Variants in TRAP1 observed in about 807,000 individuals in gnomAD.
The protein encoded by TRAP1 is TNF receptor associated protein 1.
In TRAP1, 102 loss-of-function variants were observed where a neutral mutation model predicts 89.1. The observed-to-expected ratio is 1.15, with a 90% CI of 0.98 to 1.35. The LOEUF is 1.35. Among genes scored for constraint, TRAP1 ranks in the 40% most tolerant of loss-of-function variants. The probability of loss-of-function intolerance (pLI) is 0.00; values close to 1 mark genes in which losing one functional copy is unlikely to be tolerated. For missense variants in TRAP1, 1,256 were observed against 945.3 expected (o/e 1.33, Z -4.31); for synonymous variants, 508 against 388.0 (o/e 1.31, Z -3.64).
intron 1 of TRAP1, among the ~76,000 whole-genome samples, chr16:3,709,373 T>C (rs141056267): frequency 1.3e-5 from 2 of 152,202 alleles, no homozygotes; most frequent in Non-Finnish European, 1.5e-5. Context: ...TAAAACGAGA[T>C]AGCATTTTCA....
chr16:3,685,133 C>T (rs543233449), intron 4 of TRAP1, among the ~76,000 whole-genome samples: 1 of 152,316 alleles, frequency 6.6e-6, no homozygotes, highest in Admixed American at 6.5e-5. Context: ...GCACAGGGCG[C>T]TGCAGCCCTG....
intron 8 of TRAP1, 93 bp from the exon 9 acceptor site, chr16:3,674,587 T>TGGACAGGCTCCTG: frequency 6.9e-7 from 1 of 1,455,976 alleles, no homozygotes; most frequent in South Asian, 1.3e-5. Context: ...CGCCTGGCCC[T>TGGACAGGCTCCTG]GGACAGGCTC....
At chr16:3,672,223 C>T (rs1027163640) in intron 10 of TRAP1, among the ~76,000 whole-genome samples, 1 of 152,094 alleles carries the variant, frequency 6.6e-6, no homozygotes, top group Non-Finnish European at 1.5e-5. Context: ...GTAATCCCAG[C>T]TACTCGGGAG....
intron 12 of TRAP1, 61 bp downstream of exon 12, chr16:3,665,910 T>C (rs909290471): frequency 1.3e-6 from 2 of 1,569,194 alleles, no homozygotes; most frequent in Non-Finnish European, 1.7e-6. Flanking sequence ...CTCCACCAGC[T>C]TCCTCAGCAG....
At chr16:3,714,014 C>G (rs369723230) in intron 1 of TRAP1, among the ~76,000 whole-genome samples, 1 of 152,252 alleles carries the variant, frequency 6.6e-6, no homozygotes, top group African/African-American at 2.4e-5. Context: ...AGTCTTTCAT[C>G]AAACCAATTA....
In TRAP1 at chr16:3,664,823, C is replaced by T. The variant is rs573471636; in HGVS notation, c.1384-364G>A. On this transcript the variant is annotated intron_variant, in intron 12 of 17. Transcript: ENST00000246957. ...TCAGTCTCTGGTGGGCACACGGACA[C>T]GGGTGAAGTCCACGGTTCCCGGCCC... 7.4e-4 allele frequency: 161 copies of T among 217,508 alleles called. 2 individuals are homozygous for T. The highest frequency in any genetic ancestry group is 3.6e-3 in the African/African-American group (154 of 42,556). The allele number at this position is 217,508 out of a possible 1,614,324, so 13.5% of individuals were successfully genotyped here. A position where few individuals can be genotyped will look rare whatever the true frequency, so the allele number is the denominator to read the frequency against.
intron 12 of TRAP1, 58 bp downstream of exon 12, chr16:3,665,913 C>T (rs1212038081): frequency 1.3e-6 from 2 of 1,571,600 alleles, no homozygotes; most frequent in East Asian, 4.6e-5. Flanking sequence ...CACCAGCTTC[C>T]TCAGCAGCCC....
intron 11 of TRAP1, among the ~76,000 whole-genome samples, chr16:3,667,419 T>G (rs1347279896): frequency 6.6e-6 from 1 of 151,090 alleles, no homozygotes; most frequent in African/African-American, 2.4e-5. Flanking sequence ...AGGTCAGGAG[T>G]TTGAGACCAG....
At chr16:3,659,805 G>C (rs895352723) in intron 16 of TRAP1, 2 of 151,930 alleles carry the variant, frequency 1.3e-5, no homozygotes, top group African/African-American at 4.8e-5. Context: ...ACCCAAGCTA[G>C]AGTGAAATGG....
intron 5 of TRAP1, among the ~76,000 whole-genome samples, chr16:3,679,103 A>C (rs749872106): frequency 1.3e-4 from 20 of 152,076 alleles, no homozygotes; most frequent in Non-Finnish European, 2.5e-4. Flanking sequence ...TAGCCCGGCC[A>C]ACATGGTGAA....
chr16:3,673,381 G>A (rs1295082645), intron 9 of TRAP1, among the ~76,000 whole-genome samples: 3 of 152,334 alleles, frequency 2.0e-5, no homozygotes, highest in South Asian at 2.1e-4. Context: ...GGCCCGAAAC[G>A]CTGGGACCAG....
At position 3,717,519 on chromosome 16, in the gene TRAP1, C is replaced by A; in HGVS notation, c.-11G>T. On this transcript the variant is annotated 5_prime_UTR_variant, in exon 1 of 18. Transcript: ENST00000246957. ...CAGCTCGCGCGCCATGTCGTACTCC[C>A]AGAGCGCCGCGCGCAGCCACGCGGG... 7.4e-7 allele frequency: 1 copy of A among 1,356,386 alleles called. No homozygotes were observed. The highest frequency in any genetic ancestry group is 9.5e-7 in the Non-Finnish European group (1 of 1,055,410). 84.0% of individuals were successfully genotyped at this position (1,356,386 alleles called of 1,614,324 possible). A position where few individuals can be genotyped will look rare whatever the true frequency, so the allele number is the denominator to read the frequency against.
At chr16:3,666,610 T>G (rs375298710) in intron 11 of TRAP1, among the ~76,000 whole-genome samples, 1 of 151,824 alleles carries the variant, frequency 6.6e-6, no homozygotes, top group African/African-American at 2.4e-5. Flanking sequence ...ATGAGAAAGT[T>G]AGCTGTGTTG....
At chr16:3,704,752 G>A (rs1455379038) in intron 1 of TRAP1, among the ~76,000 whole-genome samples, 1 of 152,006 alleles carries the variant, frequency 6.6e-6, no homozygotes, top group Non-Finnish European at 1.5e-5. Context: ...AGGGGCTCAT[G>A]TTTGTAACCC....
In TRAP1 at chr16:3,672,730, T is replaced by A; in HGVS notation, c.1135A>T (p.Ile379Phe). The A allele has an allele frequency of 6.2e-7, 1 of 1,610,552 alleles. No homozygotes were observed. Among genetic ancestry groups the A allele is most frequent in the Non-Finnish European group, 8.5e-7 (1 of 1,178,626 alleles). The change falls in exon 10 of 18, where the codon ATC becomes TTC. Residue 379 changes from isoleucine to phenylalanine, a missense_variant. Physicochemically the swap from Ile to Phe is conservative, Grantham distance 21. Coordinates refer to ENST00000246957, the MANE Select transcript of TRAP1 (RefSeq NM_016292.3). ...KVLIQTKATD[I>F]LPKWLRFIRG... ...ATGAAGCGCAGCCACTTGGGCAGGA[T>A]GTCCGTGGCCTTGGTCTGGATGAGG...
chr16:3,680,612 T>A (rs3794702), intron 4 of TRAP1, among the ~76,000 whole-genome samples: 27,263 of 152,280 alleles, frequency 0.18, 2,841 homozygotes, highest in South Asian at 0.3. Flanking sequence ...AGCCCTTGCG[T>A]TGGAGCCTCT....
At chr16:3,673,519 AGACCTGGTTAAAATGTGGGGC>A (rs886581371) in intron 9 of TRAP1, among the ~76,000 whole-genome samples, 7 of 152,016 alleles carry the variant, frequency 4.6e-5, no homozygotes, top group African/African-American at 1.7e-4. Flanking sequence ...AAATGTTGGG[AGACCTGGTTAAAATGTGGGGC>A]GACCTGGTTA....
At chr16:3,711,972 T>TG (rs1321097426) in intron 1 of TRAP1, among the ~76,000 whole-genome samples, 2 of 152,162 alleles carry the variant, frequency 1.3e-5, no homozygotes, top group Admixed American at 6.6e-5. Context: ...TGAGTATGAA[T>TG]GGATACATTT....
In TRAP1 at chr16:3,697,974, T is replaced by C. The variant is rs569477156; in HGVS notation, c.89-6989A>G. 7.3e-5 allele frequency among the ~76,000 whole-genome samples: 11 copies of C among 151,482 alleles called. No individual in the cohort carries two copies. In the South Asian group the frequency reaches 2.3e-3, roughly 32 times the overall value. Reference sequence around the variant, plus strand: ...CGGCTAACTTTTGTGTTTTTTTGTTTTTTTGTTTTTCTTTTTTAAGTAGAG... The same window carrying C: ...CGGCTAACTTTTGTGTTTTTTTGTTCTTTTGTTTTTCTTTTTTAAGTAGAG... On this transcript the variant is annotated intron_variant, in intron 1 of 17. Transcript: ENST00000246957.
Sources: gnomAD v4.1 joint callset for allele counts (sites outside exome capture counted in the v4.1 genomes callset) on GRCh38, gnomAD v4.1.1 for gene constraint, MANE v1.5 for transcripts, NCBI Gene and HGNC (gene_info 2026-07-23, HGNC 2026-07-21) for gene names.